Variants in PID1 observed in about 807,000 individuals in gnomAD.
PID1 encodes the protein PTB-containing, cubilin and LRP1-interacting protein.
PID1 carries 10 observed loss-of-function variants against 19.1 expected under a neutral mutation model. The ratio of observed to expected loss-of-function variants is 0.52; its 90% CI spans 0.32 to 0.89. The LOEUF (loss-of-function observed/expected upper bound fraction) is 0.89. Ranked by LOEUF, PID1 falls within the 40% of genes least tolerant of loss-of-function variation. The probability of loss-of-function intolerance (pLI) is 0.03; values close to 1 mark genes in which losing one functional copy is unlikely to be tolerated. For synonymous variants in PID1, 130 were observed against 116.0 expected (o/e 1.12, Z -0.78); for missense variants, 248 against 285.3 (o/e 0.87, Z 0.94).
intron 2 of PID1, among the ~76,000 whole-genome samples, chr2:229,034,889 C>A (rs1693629607): frequency 6.6e-6 from 1 of 151,926 alleles, no homozygotes; most frequent in Non-Finnish European, 1.5e-5. Context: ...ACATTGGAAC[C>A]CAGTGATCAA....
At chr2:229,222,898 CACAT>C (rs143616314) in intron 1 of PID1, among the ~76,000 whole-genome samples, 26,629 of 83,852 alleles carry the variant, frequency 0.32, 2,475 homozygotes, top group Non-Finnish European at 0.35. Context: ...CACACACACA[CACAT>C]GTACCCTATT....
chr2:229,163,674 T>TGTGCGC lies in PID1; in HGVS notation c.31-7711_31-7710insGCGCAC, dbSNP rs374622113. Among the ~76,000 whole-genome samples, 192 of 94,462 alleles carry TGTGCGC rather than the reference T, an allele frequency of 2.0e-3. No individual in the cohort carries two copies. In the East Asian group the frequency reaches 0.022, roughly 11 times the overall value. 62.0% of individuals were successfully genotyped at this position (94,462 alleles called of 152,430 possible). A position where few individuals can be genotyped will look rare whatever the true frequency, so the allele number is the denominator to read the frequency against. ...GAGTGTGTGTGTGTGTGTGTGTGTG[T>TGTGCGC]GCGTGTGCGTGTGTGTGTGTGTATA... On this transcript the variant is annotated intron_variant, in intron 1 of 2. Coordinates refer to ENST00000392055, the MANE Select transcript of PID1 (RefSeq NM_001100818.2).
intron 2 of PID1, among the ~76,000 whole-genome samples, chr2:229,147,122 T>C (rs1398573883): frequency 1.3e-5 from 2 of 152,214 alleles, no homozygotes; most frequent in Non-Finnish European, 1.5e-5. Context: ...GCTGAGCACA[T>C]GAGGCAAGTC....
chr2:229,146,666 A>G (rs1196270534), intron 2 of PID1, among the ~76,000 whole-genome samples: 2 of 152,076 alleles, frequency 1.3e-5, no homozygotes, highest in Non-Finnish European at 2.9e-5. Flanking sequence ...TATAAATGCT[A>G]CCTTACAAAG....
chr2:229,123,285 T>C (rs1695559300), intron 2 of PID1, among the ~76,000 whole-genome samples: 1 of 152,192 alleles, frequency 6.6e-6, no homozygotes, highest in Admixed American at 6.5e-5. Context: ...ATGTGGTCAT[T>C]TGTGACTAGC....
chr2:229,235,042 C>T (rs1298135065), intron 1 of PID1, among the ~76,000 whole-genome samples: 1 of 152,152 alleles, frequency 6.6e-6, no homozygotes, highest in Non-Finnish European at 1.5e-5. Context: ...TGATCAACAG[C>T]TTTTTGTCCC....
chr2:229,101,883 A>T (rs1170494860), intron 2 of PID1, among the ~76,000 whole-genome samples: 1 of 152,132 alleles, frequency 6.6e-6, no homozygotes, highest in African/African-American at 2.4e-5. Flanking sequence ...GTTACAGGGA[A>T]GTTAACATAG....
rs555519293 is a variant in PID1, at chr2:229,141,484, T to C, written c.177+14334A>G. 4.6e-5 allele frequency among the ~76,000 whole-genome samples: 7 copies of C among 152,228 alleles called. No homozygotes were observed. The East Asian group carries it at 1.3e-3, about 29-fold the overall frequency. On this transcript the variant is annotated intron_variant, in intron 2 of 2. Transcript: ENST00000392055. Reference sequence around the variant, plus strand: ...TAAGCACCTGTTTTGCACCACCTCATGAATAGACTAATAGGAAAGTGTTTC... The same window carrying C: ...TAAGCACCTGTTTTGCACCACCTCACGAATAGACTAATAGGAAAGTGTTTC...
chr2:229,117,674 G>T lies in PID1; in HGVS notation c.177+38144C>A, dbSNP rs145354978. Among the ~76,000 whole-genome samples the T allele has an allele frequency of 7.0e-3, 1,060 of 152,102 alleles. 5 individuals carry two copies. The highest frequency in any genetic ancestry group is 0.024 in the Middle Eastern group (7 of 294). On this transcript the variant is annotated intron_variant, in intron 2 of 2. Coordinates refer to ENST00000392055, the MANE Select transcript of PID1 (RefSeq NM_001100818.2). ...CAACTCCTCTTCCTATCCCCTTTAT[G>T]CCCTTCCACTTGCTCTCTCACTTCA...
At chr2:229,027,572 A>C (rs761171971) in intron 2 of PID1, among the ~76,000 whole-genome samples, 1 of 152,166 alleles carries the variant, frequency 6.6e-6, no homozygotes, top group Non-Finnish European at 1.5e-5. Flanking sequence ...AAGTACTGTG[A>C]GTGTTCAGTG....
At chr2:229,043,819 C>T (rs1344066245) in intron 2 of PID1, among the ~76,000 whole-genome samples, 2 of 152,102 alleles carry the variant, frequency 1.3e-5, no homozygotes, top group South Asian at 4.1e-4. Context: ...TGGAAGCCAT[C>T]GGCTTAGGTA....
chr2:229,241,028 T>G (rs1340767550), intron 1 of PID1, among the ~76,000 whole-genome samples: 1 of 152,190 alleles, frequency 6.6e-6, no homozygotes, highest in Non-Finnish European at 1.5e-5. Flanking sequence ...ATATTTTACT[T>G]TTCAATTCCA....
chr2:229,025,914 G>T lies in PID1; in HGVS notation c.372C>A (p.His124Gln). The change falls in exon 3 of 3, where the codon CAC becomes CAA. Residue 124 changes from histidine (H) to glutamine (Q), a missense_variant. Transcript: ENST00000392055. Reference protein sequence around the residue: ...HLDHKGEATVHMDTFQVARIA... With the variant: ...HLDHKGEATVQMDTFQVARIA... ...TGCGGGCCACCTGGAAGGTATCCAT[G>T]TGCACTGTGGCCTCCCCTTTGTGGT... The T allele has an allele frequency of 6.2e-7, 1 of 1,614,178 alleles. No individual in the cohort carries two copies. Among genetic ancestry groups the T allele is most frequent in the Non-Finnish European group, 8.5e-7 (1 of 1,179,994 alleles).
At chr2:229,204,373 T>C (rs1043046110) in intron 1 of PID1, among the ~76,000 whole-genome samples, 1 of 152,164 alleles carries the variant, frequency 6.6e-6, no homozygotes, top group African/African-American at 2.4e-5. Flanking sequence ...TCCACTCTAG[T>C]ATGATTAGAC....
intron 1 of PID1, among the ~76,000 whole-genome samples, chr2:229,196,553 C>T (rs1691382476): frequency 6.6e-6 from 1 of 152,006 alleles, no homozygotes; most frequent in East Asian, 1.9e-4. Context: ...CTAAGTACAT[C>T]AGTTACAACA....
intron 2 of PID1, among the ~76,000 whole-genome samples, chr2:229,087,752 A>C (rs1333483244): frequency 1.3e-5 from 2 of 152,186 alleles, no homozygotes; most frequent in Non-Finnish European, 2.9e-5. Context: ...TAGTAGTTAG[A>C]AAATACCCAT....
chr2:229,103,128 T>G (rs1695106644), intron 2 of PID1, among the ~76,000 whole-genome samples: 1 of 152,202 alleles, frequency 6.6e-6, no homozygotes, highest in Non-Finnish European at 1.5e-5. Context: ...GCCATATTTC[T>G]ATTTTTTAAA....
chr2:229,045,777 C>A (rs762332196), intron 2 of PID1, among the ~76,000 whole-genome samples: 1 of 152,232 alleles, frequency 6.6e-6, no homozygotes, highest in Non-Finnish European at 1.5e-5. Flanking sequence ...TGCTGCATTG[C>A]CTGCCCAGCA....
rs542343147 is a variant in PID1 at position 229,242,755 on chromosome 2, A to T, written c.30+28259T>A. ...CAATCTGAGTCATTTGTTACCTATA[A>T]GCTCCCAATAGTTTCCCAGTGCCTA... On this transcript the variant is annotated intron_variant, in intron 1 of 2. Coordinates refer to ENST00000392055, the MANE Select transcript of PID1 (RefSeq NM_001100818.2). Among the ~76,000 whole-genome samples, 8 of 152,208 alleles carry T rather than the reference A, an allele frequency of 5.3e-5. No homozygotes were observed. The South Asian group carries it at 1.7e-3, about 32-fold the overall frequency.
Sources: gnomAD v4.1 joint callset for allele counts (sites outside exome capture counted in the v4.1 genomes callset) on GRCh38, gnomAD v4.1.1 for gene constraint, MANE v1.5 for transcripts, NCBI Gene and HGNC (gene_info 2026-07-23, HGNC 2026-07-21) for gene names.